The following MYO15A variants were observed in gnomAD, a reference collection of about 807,000 sequenced individuals.
MYO15A encodes unconventional myosin-XV.
In MYO15A, 308 loss-of-function variants were observed where a neutral mutation model predicts 394.6. The observed-to-expected ratio is 0.78, with a 90% CI of 0.71 to 0.86. The LOEUF is 0.86. Among genes scored for constraint, MYO15A ranks in the 40% least tolerant of loss-of-function variants. MYO15A has a pLI of 0.00. For synonymous variants in MYO15A, 1,957 were observed against 2,003.8 expected, an observed-to-expected ratio of 0.98 and a Z score of 0.62; for missense variants, 4,606 against 4,799.1, an observed-to-expected ratio of 0.96 and a Z score of 1.19.
rs182129632 is a variant in MYO15A, at chr17:18,175,900, C to T, written c.10491+1979C>T. Among the ~76,000 whole-genome samples, 422 of 152,280 alleles carry T rather than the reference C, an allele frequency of 2.8e-3. 2 individuals carry two copies. The highest frequency in any genetic ancestry group is 8.3e-3 in the South Asian group (40 of 4,830). On this transcript the variant is annotated intron_variant, in intron 65 of 65. Transcript: ENST00000647165. The stretch of plus-strand genomic sequence containing the variant: ...CCCCATCTCTGCTCATTCCTCCAGC[C>T]ACCCTGGCTCCCTTGTGCTGAGCTT...
At chr17:18,137,538 G>T in intron 15 of MYO15A, 46 bp from the exon 16 acceptor site, 1 of 1,581,310 alleles carries the variant, frequency 6.3e-7, no homozygotes, top group Middle Eastern at 2.1e-4. Flanking sequence ...CAAACAGGCT[G>T]GTGGCCAAGG....
chr17:18,164,163 C>T (rs568266263), intron 60 of MYO15A: 13 of 399,856 alleles, frequency 3.3e-5, no homozygotes, highest in African/African-American at 1.9e-4. Flanking sequence ...TTAATAGCGC[C>T]GCATATTATG....
At chr17:18,162,479 C>A in intron 57 of MYO15A, 106 bp from the exon 58 acceptor site, 1 of 1,015,210 alleles carries the variant, frequency 9.9e-7, no homozygotes, top group Non-Finnish European at 1.5e-6. Flanking sequence ...GCCTTCCCCA[C>A]AGCTTGTGGA....
rs1488053776 is a variant in MYO15A at position 18,133,248 on chromosome 17, A to G, written c.4344A>G (p.Gly1448=). 6.2e-7 allele frequency: 1 copy of G among 1,614,160 alleles called. No homozygotes were observed. Among genetic ancestry groups the G allele is most frequent in the Non-Finnish European group, 8.5e-7 (1 of 1,180,022 alleles). The stretch of plus-strand genomic sequence containing the variant: ...AGGGTGGGAACTGTGAGATAGCAGG[A>G]AAGAGCGATGCAGATGACTTTCGCC... ...LNQGGNCEIA[G]KSDADDFRRL... Residue 1448 remains glycine (G), a synonymous_variant, in exon 12 of 66, where the codon GGA becomes GGG. Coordinates refer to ENST00000647165, the MANE Select transcript of MYO15A (RefSeq NM_016239.4).
intron 29 of MYO15A, 54 bp downstream of exon 29, chr17:18,144,646 T>G: frequency 6.4e-7 from 1 of 1,556,536 alleles, no homozygotes; most frequent in South Asian, 1.1e-5. Context: ...GCCCTGAAAC[T>G]GGGCCATGAG....
Position 18,150,030 on chromosome 17 carries a change from C to CT in MYO15A, c.7213-398dup, listed in dbSNP as rs1161324595. 3 of 322,022 alleles carry CT rather than the reference C, an allele frequency of 9.3e-6. No homozygotes were observed. Among genetic ancestry groups the CT allele is most frequent in the African/African-American group, 6.4e-5 (3 of 46,932 alleles). 19.9% of individuals were successfully genotyped at this position (322,022 alleles called of 1,614,324 possible). A position where few individuals can be genotyped will look rare whatever the true frequency, so the allele number is the denominator to read the frequency against. ...GCCCCCCGGGGCCACTAAAATATCT[C>CT]TATCTGGATGGAGTTGAATGACCTT... On this transcript the variant is annotated intron_variant, in intron 35 of 65. Coordinates refer to ENST00000647165, the MANE Select transcript of MYO15A (RefSeq NM_016239.4). This position sits in a 1 kb window ranked among gnomAD's most constrained non-coding sequence, Gnocchi z 4.4.
rs558217274 is a variant in MYO15A at position 18,111,806 on chromosome 17, C to T, written c.-220+2982C>T. Among the ~76,000 whole-genome samples, 39 of 152,336 alleles carry T rather than the reference C, an allele frequency of 2.6e-4. No homozygotes were observed. In the South Asian group the frequency reaches 7.0e-3, roughly 28 times the overall value. ...AGGCCAGCCACTGTGCCCAGCTCTC[C>T]GCTATCTCATGTAATGCCCAGGTCA... On this transcript the variant is annotated intron_variant, in intron 1 of 65. Transcript: ENST00000647165.
At chr17:18,124,285 C>G (rs542305034) in intron 2 of MYO15A, 198 bp from the exon 3 acceptor site, 2 of 652,062 alleles carry the variant, frequency 3.1e-6, no homozygotes, top group Non-Finnish European at 2.8e-6. Flanking sequence ...TGAGGGTATG[C>G]GTGTGTCTCA....
chr17:18,174,958 G>A (rs73980813), intron 65 of MYO15A, among the ~76,000 whole-genome samples: 2,639 of 152,142 alleles, frequency 0.017, 55 homozygotes, highest in African/African-American at 0.05. Flanking sequence ...CTGTTACTTG[G>A]GTCTAGGGTC....
At position 18,119,262 on chromosome 17, in the gene MYO15A, C is replaced by A. The variant is rs768475721; in HGVS notation, c.462C>A (p.Ala154=). 1 of 1,612,280 alleles carries A rather than the reference C, an allele frequency of 6.2e-7. No individual in the cohort carries two copies. Among genetic ancestry groups the A allele is most frequent in the Non-Finnish European group, 8.5e-7 (1 of 1,179,874 alleles). Residue 154 remains alanine, a synonymous_variant, in exon 2 of 66, where the codon GCC becomes GCA. Transcript: ENST00000647165. ...KKAEESGSEQ[A]TVDAWLQRSS... ...CCGAGGAGTCGGGCAGCGAACAGGC[C>A]ACAGTGGACGCCTGGCTGCAGCGCT...
intron 64 of MYO15A, among the ~76,000 whole-genome samples, chr17:18,172,925 A>G (rs1420956503): frequency 6.6e-6 from 1 of 152,178 alleles, no homozygotes; most frequent in Non-Finnish European, 1.5e-5. Flanking sequence ...AGCCCATAAT[A>G]AGTAGGACCT....
chr17:18,162,244 A>G (rs1464629290), intron 57 of MYO15A, among the ~76,000 whole-genome samples: 1 of 152,048 alleles, frequency 6.6e-6, no homozygotes, highest in Non-Finnish European at 1.5e-5. Context: ...GAGCTGCATC[A>G]CCCTAGCCAC....
intron 35 of MYO15A, 190 bp downstream of exon 35, chr17:18,149,770 G>A (rs2046545868): frequency 1.5e-6 from 1 of 661,954 alleles, no homozygotes; most frequent in Non-Finnish European, 2.7e-6. Flanking sequence ...GCTCTTGGCT[G>A]ATCCTGGAAG....
rs1340846351 is a variant in MYO15A at position 18,135,771 on chromosome 17, C to G, written c.4543C>G (p.Leu1515Val). 1 of 1,614,182 alleles carries G rather than the reference C, an allele frequency of 6.2e-7. No individual in the cohort carries two copies. The highest frequency in any genetic ancestry group is 8.5e-7 in the Non-Finnish European group (1 of 1,180,030). ...SAREIQAVAE[L>V]LQISPEGLQK... is the part of the protein sequence containing the mutation. ...CCGAGAGATCCAGGCCGTGGCAGAG[C>G]TGCTGCAGATCTCCCCTGAGGGCCT... Residue 1515 changes from leucine to valine, a missense_variant, in exon 13 of 66, where the codon CTG becomes GTG. This residue lies in a region of MYO15A where 2,776 missense variants were observed against 3,109.3 expected (regional missense o/e 0.89). Transcript: ENST00000647165.
At position 18,178,832 on chromosome 17, in the gene MYO15A, C is replaced by A. The variant is rs771116631; in HGVS notation, c.10555C>A (p.Arg3519=). Residue 3519 remains arginine (R), a synonymous_variant, in exon 66 of 66, where the codon CGG becomes AGG. Transcript: ENST00000647165. ...GAACCTGCTCAGTGCCCATGAGAAG[C>A]GGCTCACATTGCCCCCCAGCGAGAT... The part of the protein sequence containing the change: ...VENLLSAHEK[R]LTLPPSEITL... 2 of 1,613,808 alleles carry A rather than the reference C, an allele frequency of 1.2e-6. No homozygotes were observed. Among genetic ancestry groups the A allele is most frequent in the South Asian group, 1.1e-5 (1 of 91,072 alleles).
At position 18,148,481 on chromosome 17, in the gene MYO15A, C is replaced by T. The variant is rs552586327; in HGVS notation, c.6692-15C>T. ...CAGATGCTCCAACCTGAGCCCGGCA[C>T]CTGCTGCGCCCCAGGTGACCAGTTC... is the stretch of plus-strand genomic sequence containing the variant. On this transcript the variant is annotated splice_polypyrimidine_tract_variant and intron_variant, in intron 31 of 65. Transcript: ENST00000647165. The surrounding 1 kb of genome is among the most constrained non-coding windows in gnomAD (Gnocchi z 4.8). 3 of 1,551,828 alleles carry T rather than the reference C, an allele frequency of 1.9e-6. No individual in the cohort carries two copies. Among genetic ancestry groups the T allele is most frequent in the Non-Finnish European group, 2.6e-6 (3 of 1,147,126 alleles).
chr17:18,124,434 G>A (rs1333909560), intron 2 of MYO15A, 49 bp from the exon 3 acceptor site: 2 of 1,585,366 alleles, frequency 1.3e-6, no homozygotes, highest in African/African-American at 1.3e-5. Context: ...GTCAGTGGGG[G>A]AGGGGGGTGC....
chr17:18,135,949 A>T lies in MYO15A; in HGVS notation c.4596+125A>T, dbSNP rs854785. On this transcript the variant is annotated intron_variant, in intron 13 of 65. Transcript: ENST00000647165. ...TGCTCTCTCTGTCCCTGGGTCAGGC[A>T]TGGAGGGGAGTAATTTCAGACCCCA... The T allele has an allele frequency of 0.42, 362,108 of 867,500 alleles. 78,043 individuals carry two copies. Among genetic ancestry groups the T allele is most frequent in the East Asian group, 0.65 (24,425 of 37,614 alleles). The allele number at this position is 867,500 out of a possible 1,614,324, so 53.7% of individuals were successfully genotyped here.
chr17:18,158,136 C>T (rs1442547799), intron 51 of MYO15A, among the ~76,000 whole-genome samples: 1 of 152,006 alleles, frequency 6.6e-6, no homozygotes, highest in African/African-American at 2.4e-5. Flanking sequence ...GGATGAAGAT[C>T]AGCTGGTTGT....
Sources: gnomAD v4.1 joint callset for allele counts (sites outside exome capture counted in the v4.1 genomes callset) on GRCh38, gnomAD v4.1.1 for gene constraint, gnomAD v4.1.1 regional missense constraint, Gnocchi (gnomAD v3.1) non-coding constraint, MANE v1.5 for transcripts, NCBI Gene and HGNC (gene_info 2026-07-23, HGNC 2026-07-21) for gene names.